EPHA3: variants seen among roughly 807,000 people sequenced by gnomAD.
EPHA3 encodes EPH receptor A3, also known as ephrin type-A receptor 3.
Under a neutral mutation model 107.1 loss-of-function variants are expected in EPHA3, and 42 were observed. That is an observed-to-expected ratio of 0.39 (90% CI 0.31 to 0.51). The LOEUF (loss-of-function observed/expected upper bound fraction) is 0.51, where lower values mean the gene tolerates loss of function less well. Ranked by LOEUF, EPHA3 falls within the 20% of genes least tolerant of loss-of-function variation. The pLI is 0.78. For missense variants in EPHA3, 1,183 were observed against 1,211.2 expected, an observed-to-expected ratio of 0.98 and a Z score of 0.35; for synonymous variants, 461 against 424.8, an observed-to-expected ratio of 1.09 and a Z score of -1.05.
rs560356514 is a variant in EPHA3 at position 89,355,535 on chromosome 3, A to T, written c.1306+13445A>T. Among the ~76,000 whole-genome samples the T allele has an allele frequency of 5.0e-4, 76 of 151,218 alleles. 2 individuals carry two copies. The highest frequency in any genetic ancestry group is 1.7e-3 in the African/African-American group (72 of 41,476). ...TAATAATGAAGTGACTATTTTTTGTATTTTTAAATTTGGTTTGTTTATGCA... is the reference window on the plus strand; with the variant it reads ...TAATAATGAAGTGACTATTTTTTGTTTTTTTAAATTTGGTTTGTTTATGCA... On this transcript the variant is annotated intron_variant, in intron 5 of 16. Coordinates refer to ENST00000336596, the MANE Select transcript of EPHA3 (RefSeq NM_005233.6).
In EPHA3 at chr3:89,481,421, G is replaced by A. The variant is rs1276891762; in HGVS notation, c.*1919G>A. ...CACTTATACCTGCTATCAGCAGCTA[G>A]AAAACATTTTTTTTTTAAATCAAGT... On this transcript the variant is annotated 3_prime_UTR_variant, in exon 17 of 17. Transcript: ENST00000336596. 4.3e-6 allele frequency: 1 copy of A among 232,018 alleles called. No individual in the cohort carries two copies. Among genetic ancestry groups the A allele is most frequent in the Non-Finnish European group, 8.5e-6 (1 of 117,466 alleles). 14.4% of individuals were successfully genotyped at this position (232,018 alleles called of 1,614,324 possible). A position where few individuals can be genotyped will look rare whatever the true frequency, so the allele number is the denominator to read the frequency against.
chr3:89,451,913 G>C (rs892296766), intron 15 of EPHA3, among the ~76,000 whole-genome samples: 3 of 151,808 alleles, frequency 2.0e-5, no homozygotes, highest in African/African-American at 7.3e-5. Flanking sequence ...GTGTTTGTGT[G>C]TGTGTGTGTT....
intron 2 of EPHA3, among the ~76,000 whole-genome samples, chr3:89,163,342 A>T (rs1241007981): frequency 6.6e-6 from 1 of 152,164 alleles, no homozygotes; most frequent in Non-Finnish European, 1.5e-5. Flanking sequence ...ATTAACTTTT[A>T]GTTTGATACT....
rs1008590254 is a variant in EPHA3 at position 89,453,174 on chromosome 3, G to C, written c.2690+2804G>C. On this transcript the variant is annotated intron_variant, in intron 15 of 16. Coordinates refer to ENST00000336596, the MANE Select transcript of EPHA3 (RefSeq NM_005233.6). ...TATGGTCCTCATTCTGTACCCTGAA[G>C]GCATTTATTTTGATCTTTACAGCAT... Among the ~76,000 whole-genome samples, 20 of 152,024 alleles carry C rather than the reference G, an allele frequency of 1.3e-4. 1 individual carries two copies. Among genetic ancestry groups the C allele is most frequent in the Admixed American group, 1.3e-3 (20 of 15,256 alleles).
intron 5 of EPHA3, among the ~76,000 whole-genome samples, chr3:89,386,351 G>C (rs1708622282): frequency 6.6e-6 from 1 of 152,194 alleles, no homozygotes; most frequent in Admixed American, 6.5e-5. Context: ...GCAGCATTGA[G>C]ACTTGTTGTC....
At chr3:89,189,454 A>G (rs1176809997) in intron 2 of EPHA3, among the ~76,000 whole-genome samples, 1 of 152,150 alleles carries the variant, frequency 6.6e-6, no homozygotes, top group African/African-American at 2.4e-5. Context: ...TTAGCTGGGC[A>G]CGGTGGCGCG....
chr3:89,177,299 A>G (rs1480217143), intron 2 of EPHA3, among the ~76,000 whole-genome samples: 7 of 152,280 alleles, frequency 4.6e-5, no homozygotes, highest in Non-Finnish European at 8.8e-5. Flanking sequence ...GGTGTTGTGC[A>G]TGCCTTGGTG....
chr3:89,130,167 G>A (rs1468576448), intron 2 of EPHA3, among the ~76,000 whole-genome samples: 1 of 152,118 alleles, frequency 6.6e-6, no homozygotes, highest in Non-Finnish European at 1.5e-5. Context: ...GGGGAGACAA[G>A]AGGTACTGCT....
chr3:89,395,096 C>T (rs1355033958), intron 5 of EPHA3, among the ~76,000 whole-genome samples: 6 of 152,086 alleles, frequency 3.9e-5, no homozygotes, highest in South Asian at 2.1e-4. Context: ...TCCATACTTT[C>T]GATAATGCTT....
intron 5 of EPHA3, among the ~76,000 whole-genome samples, chr3:89,365,536 G>A (rs533709000): frequency 8.6e-5 from 13 of 150,854 alleles, no homozygotes; most frequent in Middle Eastern, 3.4e-3. Context: ...TGTCTGTGCA[G>A]CAAGGGCCCT....
In EPHA3 at chr3:89,481,437, T is replaced by A. The variant is rs1710620335; in HGVS notation, c.*1935T>A. ...CAGCAGCTAGAAAACATTTTTTTTT[T>A]AAATCAAGTATTTTGTGTTTGGAAT... On this transcript the variant is annotated 3_prime_UTR_variant, in exon 17 of 17. Coordinates refer to ENST00000336596, the MANE Select transcript of EPHA3 (RefSeq NM_005233.6). 2.2e-5 allele frequency: 5 copies of A among 231,972 alleles called. No homozygotes were observed. The highest frequency in any genetic ancestry group is 1.8e-4 in the South Asian group (1 of 5,524). 14.4% of individuals were successfully genotyped at this position (231,972 alleles called of 1,614,324 possible). A position where few individuals can be genotyped will look rare whatever the true frequency, so the allele number is the denominator to read the frequency against.
At chr3:89,425,550 T>C (rs1433883621) in intron 11 of EPHA3, among the ~76,000 whole-genome samples, 3 of 151,354 alleles carry the variant, frequency 2.0e-5, no homozygotes, top group Admixed American at 1.3e-4. Context: ...CCAATGACTG[T>C]TGTTAATAGG....
intron 3 of EPHA3, among the ~76,000 whole-genome samples, chr3:89,286,119 C>CGT (rs373081017): frequency 0.45 from 60,768 of 136,420 alleles, 13,080 homozygotes; most frequent in East Asian, 0.51. Context: ...TCAATTTCTA[C>CGT]GTGTGTGTGT....
intron 2 of EPHA3, among the ~76,000 whole-genome samples, chr3:89,155,634 A>G (rs1422490446): frequency 1.3e-5 from 2 of 152,134 alleles, no homozygotes; most frequent in Non-Finnish European, 2.9e-5. Context: ...CTTTACAAAT[A>G]TCATTTATAA....
intron 3 of EPHA3, among the ~76,000 whole-genome samples, chr3:89,277,370 T>C (rs1042595636): frequency 3.9e-5 from 6 of 152,132 alleles, no homozygotes; most frequent in Non-Finnish European, 2.9e-5. Flanking sequence ...AACATTAAAA[T>C]GGATATTTCA....
chr3:89,179,854 C>A (rs957502589), intron 2 of EPHA3, among the ~76,000 whole-genome samples: 4 of 151,722 alleles, frequency 2.6e-5, no homozygotes, highest in African/African-American at 9.7e-5. Context: ...GGTGAAAAAC[C>A]CTCTCATGTG....
intron 2 of EPHA3, among the ~76,000 whole-genome samples, chr3:89,175,408 T>G (rs1042119037): frequency 1.3e-5 from 2 of 152,172 alleles, no homozygotes; most frequent in Non-Finnish European, 2.9e-5. Context: ...TTTCAACTAT[T>G]CATTTAAATT....
At chr3:89,352,050 G>A (rs1707836410) in intron 5 of EPHA3, among the ~76,000 whole-genome samples, 1 of 150,928 alleles carries the variant, frequency 6.6e-6, no homozygotes, top group Non-Finnish European at 1.5e-5. Flanking sequence ...AGCAAATTAT[G>A]ATATTTAAAA....
intron 3 of EPHA3, among the ~76,000 whole-genome samples, chr3:89,247,285 A>G (rs1705055960): frequency 6.6e-6 from 1 of 152,218 alleles, no homozygotes; most frequent in African/African-American, 2.4e-5. Context: ...TAAAAAGCAG[A>G]TAAACTTAAG....
Sources: gnomAD v4.1 joint callset for allele counts (sites outside exome capture counted in the v4.1 genomes callset) on GRCh38, gnomAD v4.1.1 for gene constraint, MANE v1.5 for transcripts, NCBI Gene and HGNC (gene_info 2026-07-23, HGNC 2026-07-21) for gene names.